MID2: variants seen among roughly 807,000 people sequenced by gnomAD.
MID2 encodes the protein midline 2.
A neutral mutation model predicts 46.1 loss-of-function variants in MID2; 13 were observed. The observed-to-expected ratio is 0.28, with a 90% confidence interval of 0.18 to 0.45. MID2 has a LOEUF of 0.45. Ranked by LOEUF, MID2 falls within the 20% of genes least tolerant of loss-of-function variation. The pLI is 1.00. For synonymous variants in MID2, 199 were observed against 212.3 expected, an observed-to-expected ratio of 0.94 and a Z score of 0.55; for missense variants, 431 against 575.4, an observed-to-expected ratio of 0.75 and a Z score of 2.57.
In MID2 at chrX:107,883,346, A is replaced by G. The variant is rs181799114; in HGVS notation, c.817-20612A>G. ...GCACATGTACCCCAGAACTTAAAGTATAATTTAAAAAAATGCCTCAGCAGA... is the reference window on the plus strand; with the variant it reads ...GCACATGTACCCCAGAACTTAAAGTGTAATTTAAAAAAATGCCTCAGCAGA... On this transcript the variant is annotated intron_variant, in intron 3 of 9. Coordinates refer to ENST00000262843, the MANE Select transcript of MID2 (RefSeq NM_012216.4). Among the ~76,000 whole-genome samples, 19 of 111,744 alleles carry G rather than the reference A, an allele frequency of 1.7e-4. No homozygotes were observed. In the East Asian group the frequency reaches 3.9e-3, roughly 23 times the overall value.
intron 3 of MID2, among the ~76,000 whole-genome samples, chrX:107,882,690 A>G (rs1932350201): frequency 2.7e-5 from 3 of 112,123 alleles, no homozygotes; most frequent in East Asian, 5.5e-4. Context: ...GATCATTAAA[A>G]AGTCAGGAAC....
Position 107,881,260 on chromosome X carries a change from C to A in MID2, c.817-22698C>A, listed in dbSNP as rs777208880. On this transcript the variant is annotated intron_variant, in intron 3 of 9. Transcript: ENST00000262843. ...CCCACTGGGTTAGGGTTAGGTCTGA[C>A]AAAATTGGTGAAGGTCATCCAGTGG... Among the ~76,000 whole-genome samples the A allele has an allele frequency of 2.5e-4, 28 of 112,635 alleles. No individual in the cohort carries two copies. The South Asian group carries it at 0.01, about 41-fold the overall frequency.
intron 5 of MID2, among the ~76,000 whole-genome samples, chrX:107,914,150 T>C (rs73533458): frequency 0.017 from 1,917 of 112,315 alleles, 42 homozygotes; most frequent in African/African-American, 0.059. Context: ...TTCTCCTTCA[T>C]GATGTGTGAG....
At chrX:107,847,458 C>G (rs757933253) in intron 2 of MID2, among the ~76,000 whole-genome samples, 8 of 111,229 alleles carry the variant, frequency 7.2e-5, no homozygotes, top group South Asian at 7.7e-4. Context: ...CGGAGAGAGT[C>G]CATGCGGAAA....
intron 7 of MID2, among the ~76,000 whole-genome samples, chrX:107,921,241 A>T (rs1933064685): frequency 9.0e-6 from 1 of 111,093 alleles, no homozygotes; most frequent in Non-Finnish European, 1.9e-5. Context: ...ATACTTCATT[A>T]TACTGTTCCT....
At position 107,826,785 on chromosome X, in the gene MID2, A is replaced by G. The variant is rs1243224256; in HGVS notation, c.4+355A>G. On this transcript the variant is annotated intron_variant, in intron 1 of 9. Coordinates refer to ENST00000262843, the MANE Select transcript of MID2 (RefSeq NM_012216.4). ...CCCGGCGCCTGGGCGCGAGTCTGGGAAAGGGCACGGCCGCCTTCCCACGCT... is the reference window on the plus strand; with the variant it reads ...CCCGGCGCCTGGGCGCGAGTCTGGGGAAGGGCACGGCCGCCTTCCCACGCT... 4.4e-5 allele frequency among the ~76,000 whole-genome samples: 5 copies of G among 113,306 alleles called. No homozygotes were observed. In the East Asian group the frequency reaches 1.4e-3, roughly 32 times the overall value.
chrX:107,859,662 G>T (rs1481477488), intron 3 of MID2, among the ~76,000 whole-genome samples: 1 of 112,716 alleles, frequency 8.9e-6, no homozygotes, highest in Non-Finnish European at 1.9e-5. Context: ...TAGCATGGAG[G>T]AGGAAACACT....
chrX:107,845,525 A>ACACACACT (rs1276957001), intron 2 of MID2, among the ~76,000 whole-genome samples: 5 of 72,982 alleles, frequency 6.9e-5, no homozygotes, highest in Admixed American at 2.8e-4. Context: ...ACACACACAC[A>ACACACACT]CTCTCTCTCT....
intron 3 of MID2, among the ~76,000 whole-genome samples, chrX:107,884,433 T>C (rs1358713979): frequency 8.9e-6 from 1 of 112,227 alleles, no homozygotes; most frequent in Non-Finnish European, 1.9e-5. Context: ...GTAGGTAACA[T>C]TGTTTCTATT....
At chrX:107,899,740 G>A (rs1183915546) in intron 3 of MID2, among the ~76,000 whole-genome samples, 1 of 109,180 alleles carries the variant, frequency 9.2e-6, no homozygotes, top group Non-Finnish European at 1.9e-5. Flanking sequence ...AAGGAGGATA[G>A]ATTTTTTTTC....
At chrX:107,887,705 G>T (rs13441106) in intron 3 of MID2, among the ~76,000 whole-genome samples, 1 of 111,864 alleles carries the variant, frequency 8.9e-6, no homozygotes, top group African/African-American at 3.3e-5. Flanking sequence ...AATGGTACCA[G>T]CTCCTCCTTG....
intron 2 of MID2, among the ~76,000 whole-genome samples, chrX:107,843,635 T>C (rs1207651806): frequency 9.0e-6 from 1 of 111,182 alleles, no homozygotes; most frequent in Non-Finnish European, 1.9e-5. Context: ...ATCTTGGACT[T>C]TGGGGAGGTG....
intron 3 of MID2, among the ~76,000 whole-genome samples, chrX:107,856,480 A>G (rs1174698828): frequency 8.9e-6 from 1 of 112,334 alleles, no homozygotes; most frequent in Admixed American, 9.4e-5. Flanking sequence ...GTTGTAGTGA[A>G]AATAGCAAAG....
intron 3 of MID2, among the ~76,000 whole-genome samples, chrX:107,855,581 G>C (rs1013350865): frequency 9.0e-6 from 1 of 111,731 alleles, no homozygotes; most frequent in African/African-American, 3.3e-5. Flanking sequence ...AATCTTACTT[G>C]TATGACAGAC....
At chrX:107,879,607 G>A (rs769357453) in intron 3 of MID2, among the ~76,000 whole-genome samples, 1 of 111,792 alleles carries the variant, frequency 8.9e-6, no homozygotes, top group Admixed American at 9.4e-5. Flanking sequence ...GCATTCAAGA[G>A]GGAAAACAGG....
chrX:107,842,031 A>G (rs1931359067), intron 2 of MID2, among the ~76,000 whole-genome samples: 2 of 112,869 alleles, frequency 1.8e-5, no homozygotes, highest in Non-Finnish European at 3.7e-5. Context: ...AGAACTGAAG[A>G]AACTTCAGTA....
At chrX:107,879,871 G>T (rs1932284574) in intron 3 of MID2, among the ~76,000 whole-genome samples, 2 of 110,572 alleles carry the variant, frequency 1.8e-5, no homozygotes, top group Admixed American at 1.9e-4. Flanking sequence ...TATAAGGGAA[G>T]AATGTATTAT....
chrX:107,924,441 A>G lies in MID2; in HGVS notation c.1534A>G (p.Ile512Val). ...GLQSGTRYIF[I>V]VKAINQAGSR... ...CCAGAGCGGGACTCGCTACATCTTC[A>G]TCGTTAAAGCCATAAACCAAGCCGG... Residue 512 changes from isoleucine (I) to valine (V), a missense_variant, in exon 8 of 10, where the codon ATC becomes GTC. Coordinates refer to ENST00000262843, the MANE Select transcript of MID2 (RefSeq NM_012216.4). The G allele has an allele frequency of 1.7e-6, 2 of 1,211,543 alleles. No individual in the cohort carries two copies. Among genetic ancestry groups the G allele is most frequent in the South Asian group, 3.5e-5 (2 of 56,996 alleles).
intron 3 of MID2, among the ~76,000 whole-genome samples, chrX:107,861,923 C>G (rs1320593736): frequency 3.6e-5 from 4 of 111,941 alleles, no homozygotes; most frequent in Non-Finnish European, 7.5e-5. Context: ...GTATGTACGT[C>G]CTGGGAGGCA....
Sources: allele counts gnomAD v4.1 joint callset (sites outside exome capture counted in the v4.1 genomes callset), GRCh38; gene constraint gnomAD v4.1.1; transcripts MANE v1.5; gene names NCBI Gene and HGNC (gene_info 2026-07-23, HGNC 2026-07-21).